PEX5L: variants seen among roughly 807,000 people sequenced by gnomAD.
PEX5L encodes the protein peroxisomal biogenesis factor 5 like.
Under a neutral mutation model 84.0 loss-of-function variants are expected in PEX5L, and 30 were observed. The ratio of observed to expected loss-of-function variants is 0.36; its 90% CI spans 0.27 to 0.48. The LOEUF is 0.48. Among genes scored for constraint, PEX5L ranks in the 20% least tolerant of loss-of-function variants. PEX5L has a pLI of 0.99. For synonymous variants in PEX5L, 270 were observed against 283.1 expected, an observed-to-expected ratio of 0.95 and a Z score of 0.46; for missense variants, 533 against 754.6, an observed-to-expected ratio of 0.71 and a Z score of 3.44.
chr3:179,882,442 AT>A (rs1275060546), intron 4 of PEX5L, among the ~76,000 whole-genome samples: 1 of 152,170 alleles, frequency 6.6e-6, no homozygotes, highest in East Asian at 1.9e-4. Context: ...TTTCTTGCAA[AT>A]GTGAAACAAA....
chr3:180,001,717 T>G (rs1020029385), intron 1 of PEX5L, among the ~76,000 whole-genome samples: 2 of 152,188 alleles, frequency 1.3e-5, no homozygotes, highest in Non-Finnish European at 2.9e-5. Context: ...CATATGCAAC[T>G]TGACATAAAT....
At chr3:179,838,997 A>T (rs1297829825) in intron 8 of PEX5L, among the ~76,000 whole-genome samples, 1 of 152,078 alleles carries the variant, frequency 6.6e-6, no homozygotes, top group Non-Finnish European at 1.5e-5. Context: ...TAATCAGCAA[A>T]TCCAGACTCT....
intron 2 of PEX5L, among the ~76,000 whole-genome samples, chr3:179,904,341 G>A (rs1010600278): frequency 6.6e-6 from 1 of 152,186 alleles, no homozygotes; most frequent in Non-Finnish European, 1.5e-5. Context: ...TTCCATTTGT[G>A]TTTTGTGTTA....
intron 2 of PEX5L, chr3:179,902,547 T>C (rs879300680): frequency 9.3e-6 from 3 of 320,920 alleles, no homozygotes; most frequent in African/African-American, 2.2e-5. Flanking sequence ...AAGTATTTCA[T>C]ATATATACAA....
intron 8 of PEX5L, among the ~76,000 whole-genome samples, chr3:179,852,854 G>A (rs983680283): frequency 2.0e-5 from 3 of 152,212 alleles, no homozygotes; most frequent in Non-Finnish European, 4.4e-5. Flanking sequence ...TAAGCAGAAC[G>A]TGATTTTGAA....
chr3:179,870,870 T>G (rs1054464888), intron 7 of PEX5L, among the ~76,000 whole-genome samples: 1 of 152,172 alleles, frequency 6.6e-6, no homozygotes, highest in East Asian at 1.9e-4. Context: ...AAAACACTAT[T>G]TGAAAGAGGC....
intron 8 of PEX5L, among the ~76,000 whole-genome samples, chr3:179,832,023 A>G (rs2109160634): frequency 6.6e-6 from 1 of 152,290 alleles, no homozygotes; most frequent in Non-Finnish European, 1.5e-5. Flanking sequence ...TGAAATGAGG[A>G]GAATGGAGTA....
At chr3:180,005,076 G>A (rs74618597) in intron 1 of PEX5L, among the ~76,000 whole-genome samples, 2 of 152,188 alleles carry the variant, frequency 1.3e-5, no homozygotes, top group Non-Finnish European at 2.9e-5. Context: ...AAGCATAAGA[G>A]AGTAACTTTT....
chr3:180,007,149 G>A (rs538108996), intron 1 of PEX5L, among the ~76,000 whole-genome samples: 4 of 152,310 alleles, frequency 2.6e-5, no homozygotes, highest in African/African-American at 7.2e-5. Flanking sequence ...GGGGGTACAG[G>A]TATTGGGTAA....
At chr3:179,868,937 T>C (rs1455930062) in intron 7 of PEX5L, among the ~76,000 whole-genome samples, 2 of 152,218 alleles carry the variant, frequency 1.3e-5, no homozygotes, top group Admixed American at 6.5e-5. Flanking sequence ...AGAACATCTG[T>C]ATGCCTTTTC....
intron 1 of PEX5L, among the ~76,000 whole-genome samples, chr3:180,000,150 A>G (rs961254057): frequency 2.6e-5 from 4 of 152,112 alleles, no homozygotes; most frequent in African/African-American, 9.7e-5. Context: ...TCTTAGTTCC[A>G]GAGGGAGGAA....
At chr3:179,909,828 G>C (rs913907232) in intron 2 of PEX5L, among the ~76,000 whole-genome samples, 11 of 152,166 alleles carry the variant, frequency 7.2e-5, no homozygotes, top group African/African-American at 2.7e-4. Context: ...AAGACACAGG[G>C]AGAAGACATC....
intron 2 of PEX5L, among the ~76,000 whole-genome samples, chr3:179,959,809 C>T (rs1781563827): frequency 6.6e-6 from 1 of 152,060 alleles, no homozygotes; most frequent in Non-Finnish European, 1.5e-5. Context: ...CCTTCTCACT[C>T]ACCACATGGG....
chr3:179,940,365 T>C (rs901597123), intron 2 of PEX5L, among the ~76,000 whole-genome samples: 2 of 151,694 alleles, frequency 1.3e-5, no homozygotes. Flanking sequence ...TGAAATTGAA[T>C]TGAGCAGTTA....
intron 2 of PEX5L, among the ~76,000 whole-genome samples, chr3:179,913,224 GA>G (rs1765797236): frequency 6.6e-6 from 1 of 152,044 alleles, no homozygotes; most frequent in Admixed American, 6.6e-5. Context: ...CTTAACAGCT[GA>G]TTTTCTCAGA....
intron 8 of PEX5L, among the ~76,000 whole-genome samples, chr3:179,844,423 A>G (rs765634157): frequency 6.6e-5 from 10 of 152,244 alleles, no homozygotes; most frequent in Admixed American, 3.9e-4. Flanking sequence ...TTCAGTGTCT[A>G]TTCATGATAG....
intron 2 of PEX5L, among the ~76,000 whole-genome samples, chr3:179,955,695 C>T (rs953149314): frequency 6.6e-6 from 1 of 151,890 alleles, no homozygotes; most frequent in Non-Finnish European, 1.5e-5. Flanking sequence ...GATTAAAGTA[C>T]CATTATTTCT....
intron 5 of PEX5L, 50 bp from the exon 6 acceptor site, chr3:179,875,527 AGGGGGAGCGGTGGCGGGGAGTGGGGTGAG>A: frequency 1.3e-6 from 1 of 761,028 alleles, no homozygotes; most frequent in Non-Finnish European, 2.1e-6. Context: ...AGGGCGGGGT[AGGGGGAGCGGTGGCGGGGAGTGGGGTGAG>A]GGTGGAGCGT....
chr3:179,977,599 A>C (rs1785929188), intron 1 of PEX5L, among the ~76,000 whole-genome samples: 1 of 152,132 alleles, frequency 6.6e-6, no homozygotes, highest in Non-Finnish European at 1.5e-5. Context: ...AAAAAGGATA[A>C]ATTTTTCCCA....
Sources: gnomAD v4.1 joint callset for allele counts (sites outside exome capture counted in the v4.1 genomes callset) on GRCh38, gnomAD v4.1.1 for gene constraint, MANE v1.5 for transcripts, NCBI Gene and HGNC (gene_info 2026-07-23, HGNC 2026-07-21) for gene names.